DGKB: variants seen among roughly 807,000 people sequenced by gnomAD.
The protein encoded by DGKB is 90 kDa diacylglycerol kinase.
Under a neutral mutation model 114.3 loss-of-function variants are expected in DGKB, and 67 were observed. The observed-to-expected ratio is 0.59, with a 90% confidence interval of 0.48 to 0.72. The LOEUF is 0.72. DGKB is among the 30% of genes least tolerant of loss of function. DGKB has a pLI of 0.00. For missense variants in DGKB, 907 were observed against 975.2 expected, an observed-to-expected ratio of 0.93 and a Z score of 0.93; for synonymous variants, 398 against 323.1, an observed-to-expected ratio of 1.23 and a Z score of -2.49.
At chr7:14,904,520 C>T (rs1206008112), upstream of DGKB, among the ~76,000 whole-genome samples, 1 of 152,030 alleles carries the variant, frequency 6.6e-6, no homozygotes, top group African/African-American at 2.4e-5. Context: ...TACATCTTTC[C>T]CTGATGTGTT....
At chr7:14,937,243 GT>G (rs1328142227) in intron 1 of DGKB, among the ~76,000 whole-genome samples, 1 of 151,510 alleles carries the variant, frequency 6.6e-6, no homozygotes, top group Non-Finnish European at 1.5e-5. Flanking sequence ...ATATAGGTTG[GT>G]TTTTTTAAGT....
At chr7:14,172,168 C>T (rs544473820) in intron 25 of DGKB, among the ~76,000 whole-genome samples, 31 of 152,102 alleles carry the variant, frequency 2.0e-4, no homozygotes, top group Non-Finnish European at 3.4e-4. Context: ...AAGAGGGAAG[C>T]GCATGAAAAG....
Position 14,327,309 on chromosome 7 carries a change from CA to C in DGKB, c.2122+11205del, listed in dbSNP as rs544493414. On this transcript the variant is annotated intron_variant, in intron 23 of 25. Transcript: ENST00000402815. The stretch of plus-strand genomic sequence containing the variant: ...GAAGACAAACAGCAGAAATGAGAAA[CA>C]AAAAAAAGCAAACAGAAATTTAAAA... 7.4e-5 allele frequency among the ~76,000 whole-genome samples: 11 copies of C among 149,530 alleles called. No individual in the cohort carries two copies. In the South Asian group the frequency reaches 8.4e-4, roughly 11 times the overall value.
At chr7:14,270,048 CAAAAAAA>C (rs397889901) in intron 23 of DGKB, among the ~76,000 whole-genome samples, 34 of 52,842 alleles carry the variant, frequency 6.4e-4, no homozygotes, top group East Asian at 3.1e-3. Flanking sequence ...GCTTTTTTTG[CAAAAAAA>C]AAAAAAAAAA....
At chr7:14,822,634 C>T (rs1845101171) in intron 2 of DGKB, among the ~76,000 whole-genome samples, 1 of 152,210 alleles carries the variant, frequency 6.6e-6, no homozygotes, top group East Asian at 1.9e-4. Flanking sequence ...TGTTATATGA[C>T]AGGCTATTCT....
chr7:14,776,622 C>A (rs1282389328), intron 2 of DGKB, among the ~76,000 whole-genome samples: 1 of 152,194 alleles, frequency 6.6e-6, no homozygotes, highest in Non-Finnish European at 1.5e-5. Flanking sequence ...CCTGTGGGTA[C>A]ACAGAAGTCA....
intron 17 of DGKB, among the ~76,000 whole-genome samples, chr7:14,598,496 C>T (rs1341044152): frequency 6.6e-6 from 1 of 152,190 alleles, no homozygotes; most frequent in Non-Finnish European, 1.5e-5. Context: ...GTTTCTTCAG[C>T]ATAGTTGTGT....
At chr7:14,549,368 A>T (rs1794779442) in intron 20 of DGKB, among the ~76,000 whole-genome samples, 1 of 152,150 alleles carries the variant, frequency 6.6e-6, no homozygotes, top group African/African-American at 2.4e-5. Flanking sequence ...ACATAAAAGA[A>T]GTTGTTTTAC....
intron 23 of DGKB, among the ~76,000 whole-genome samples, chr7:14,245,255 CCTA>C (rs763215171): frequency 3.2e-4 from 49 of 152,066 alleles, no homozygotes; most frequent in Non-Finnish European, 5.4e-4. Context: ...AAATAAATGT[CCTA>C]CTGAAAAGTG....
intron 14 of DGKB, among the ~76,000 whole-genome samples, chr7:14,622,369 T>C (rs374255613): frequency 2.6e-4 from 40 of 152,206 alleles, no homozygotes; most frequent in African/African-American, 9.4e-4. Flanking sequence ...TCATCATCTC[T>C]ATCTACCCTC....
chr7:14,165,436 C>T (rs779365587), intron 25 of DGKB, among the ~76,000 whole-genome samples: 7 of 152,158 alleles, frequency 4.6e-5, no homozygotes, highest in Non-Finnish European at 7.4e-5. Flanking sequence ...CAAAAAAATG[C>T]GAATTCTAGC....
intron 25 of DGKB, among the ~76,000 whole-genome samples, chr7:14,158,959 C>T (rs923062716): frequency 5.9e-5 from 9 of 152,080 alleles, no homozygotes; most frequent in African/African-American, 2.2e-4. Context: ...CTTTTTACTA[C>T]CATGTTCTAA....
chr7:14,699,735 T>C (rs569734703), intron 7 of DGKB, among the ~76,000 whole-genome samples: 39 of 152,262 alleles, frequency 2.6e-4, no homozygotes, highest in Middle Eastern at 3.4e-3. Context: ...GTAGCTATTG[T>C]GGAGAAAACC....
intron 1 of DGKB, among the ~76,000 whole-genome samples, chr7:14,882,226 G>C (rs1181371117): frequency 4.6e-5 from 7 of 151,906 alleles, no homozygotes; most frequent in Admixed American, 3.9e-4. Flanking sequence ...AAGAGAAAAA[G>C]AAAGAGGGAG....
chr7:14,844,820 C>T (rs994846039), intron 1 of DGKB, among the ~76,000 whole-genome samples: 2 of 152,004 alleles, frequency 1.3e-5, no homozygotes, highest in Admixed American at 6.6e-5. Flanking sequence ...TAATTAAAAT[C>T]CCCCAGCTGG....
intron 1 of DGKB, among the ~76,000 whole-genome samples, chr7:14,848,183 G>A (rs1330692060): frequency 6.6e-6 from 1 of 152,092 alleles, no homozygotes; most frequent in African/African-American, 2.4e-5. Context: ...AGAGCTGGTG[G>A]CTTTAGGGAA....
At chr7:14,852,486 T>TCAAAAACAAAAAAACAAAAA (rs1554304181) in intron 1 of DGKB, among the ~76,000 whole-genome samples, 6 of 7,778 alleles carry the variant, frequency 7.7e-4, no homozygotes, top group Non-Finnish European at 1.3e-3. Flanking sequence ...ATAGTGAAAG[T>TCAAAAACAAAAAAACAAAAA]CAAAAAAAAA....
chr7:14,882,885 G>T (rs892400503), intron 1 of DGKB, among the ~76,000 whole-genome samples: 1 of 151,742 alleles, frequency 6.6e-6, no homozygotes, highest in Admixed American at 6.6e-5. Flanking sequence ...TCTGCTGATG[G>T]ACACTTAGGT....
intron 22 of DGKB, among the ~76,000 whole-genome samples, chr7:14,339,783 A>C (rs73263941): frequency 0.029 from 4,392 of 152,062 alleles, 206 homozygotes; most frequent in African/African-American, 0.099. Context: ...GAACTTTGTG[A>C]GGGATATGCA....
Sources: gnomAD v4.1 joint callset for allele counts (sites outside exome capture counted in the v4.1 genomes callset) on GRCh38, gnomAD v4.1.1 for gene constraint, MANE v1.5 for transcripts, NCBI Gene and HGNC (gene_info 2026-07-23, HGNC 2026-07-21) for gene names.